FAAP100: variants seen among roughly 807,000 people sequenced by gnomAD.
The protein encoded by FAAP100 is FA core complex associated protein 100, also known as Fanconi anemia core complex-associated protein 100.
Under a neutral mutation model 65.8 loss-of-function variants are expected in FAAP100, and 46 were observed. The observed-to-expected ratio is 0.70, with a 90% CI of 0.55 to 0.89. The LOEUF (loss-of-function observed/expected upper bound fraction) is 0.89. FAAP100 is among the 40% of genes least tolerant of loss of function. The pLI is 0.00. For missense variants in FAAP100, 1,165 were observed against 1,196.7 expected, an observed-to-expected ratio of 0.97 and a Z score of 0.39; for synonymous variants, 663 against 555.1, an observed-to-expected ratio of 1.19 and a Z score of -2.73.
intron 7 of FAAP100, among the ~76,000 whole-genome samples, 159 bp downstream of exon 7, chr17:81,543,845 T>G (rs971539966): frequency 6.6e-6 from 1 of 152,168 alleles, no homozygotes; most frequent in African/African-American, 2.4e-5. Flanking sequence ...ACAGCTCCAC[T>G]GCACAACACC....
chr17:81,549,271 C>T lies in FAAP100; in HGVS notation c.1338G>A (p.Met446Ile), dbSNP rs1342924813. 3 of 1,613,114 alleles carry T rather than the reference C, an allele frequency of 1.9e-6. No homozygotes were observed. Among genetic ancestry groups the T allele is most frequent in the African/African-American group, 2.7e-5 (2 of 74,930 alleles). Residue 446 changes from methionine (M) to isoleucine (I), a missense_variant, in exon 4 of 9, where the codon ATG becomes ATA. Coordinates refer to ENST00000327787, the MANE Select transcript of FAAP100 (RefSeq NM_025161.6). ...LDSEMPGPARMTTESAGQKIK... is the reference protein window; with the variant it reads ...LDSEMPGPARITTESAGQKIK... ...TTTTCTGACCTGCACTCTCTGTGGT[C>T]ATCCTGGCTGGGCCAGGCATCTCAG... is the stretch of plus-strand genomic sequence containing the variant.
intron 4 of FAAP100, 30 bp from the exon 5 acceptor site, chr17:81,547,708 C>G (rs779766115): frequency 1.9e-6 from 3 of 1,601,820 alleles, no homozygotes; most frequent in Admixed American, 1.7e-5. Context: ...CCCCCGGGAG[C>G]GGGGGGACAC....
At position 81,540,427 on chromosome 17, in the gene FAAP100, C is replaced by T; in HGVS notation, c.*392G>A. ...ACAAACTCACCCCAAGTCCAAACCC[C>T]AGAAATCCTGTTTCTCTGGCCCTCC... On this transcript the variant is annotated 3_prime_UTR_variant, in exon 9 of 9. Transcript: ENST00000327787. 7.4e-6 allele frequency: 3 copies of T among 405,432 alleles called. No homozygotes were observed. The highest frequency in any genetic ancestry group is 1.3e-5 in the Non-Finnish European group (3 of 229,848). The allele number at this position is 405,432 out of a possible 1,614,324, so 25.1% of individuals were successfully genotyped here. A position where few individuals can be genotyped will look rare whatever the true frequency, so the allele number is the denominator to read the frequency against.
chr17:81,546,993 G>T lies in FAAP100; in HGVS notation c.2089C>A (p.Arg697=). The change falls in exon 5 of 9, where the codon CGG becomes AGG. Residue 697 remains arginine, a synonymous_variant. Coordinates refer to ENST00000327787, the MANE Select transcript of FAAP100 (RefSeq NM_025161.6). ...ACAGATGGGGGCAGGTACTCGGCCC[G>T]CAGGGAGGCGGGTCCTGCTGGCTGG... ...GSQPAGPASL[R]AEYLPPSVAS... is the part of the protein sequence containing the mutation. 1.3e-6 allele frequency: 2 copies of T among 1,515,842 alleles called. No individual in the cohort carries two copies. Among genetic ancestry groups the T allele is most frequent in the Non-Finnish European group, 1.8e-6 (2 of 1,131,738 alleles). 93.9% of individuals were successfully genotyped at this position (1,515,842 alleles called of 1,614,324 possible).
intron 4 of FAAP100, 182 bp from the exon 5 acceptor site, chr17:81,547,860 C>T (rs776042999): frequency 3.8e-5 from 31 of 811,870 alleles, no homozygotes; most frequent in Non-Finnish European, 5.6e-5. Flanking sequence ...CCACCCACAC[C>T]GAGCCTCTCT....
At position 81,545,772 on chromosome 17, in the gene FAAP100, C is replaced by T. The variant is rs755304067; in HGVS notation, c.2284G>A (p.Ala762Thr). The change falls in exon 6 of 9, where the codon GCC becomes ACC. Residue 762 changes from alanine (A) to threonine (T), a missense_variant. Ala to Thr is a moderately conservative substitution (Grantham distance 58). Coordinates refer to ENST00000327787, the MANE Select transcript of FAAP100 (RefSeq NM_025161.6). ...SSIQGVAPDGANVHLIVREVA... is the reference protein window; with the variant it reads ...SSIQGVAPDGTNVHLIVREVA... Reference sequence around the variant, plus strand: ...TCTCGGACGATGAGGTGAACGTTGGCGCCATCAGGGGCCACTCCCTGGATG... The same window carrying T: ...TCTCGGACGATGAGGTGAACGTTGGTGCCATCAGGGGCCACTCCCTGGATG... 5.6e-6 allele frequency: 9 copies of T among 1,611,800 alleles called. No individual in the cohort carries two copies. In the East Asian group the frequency reaches 8.9e-5, roughly 16 times the overall value.
intron 7 of FAAP100, among the ~76,000 whole-genome samples, chr17:81,543,450 T>C (rs774859685): frequency 2.6e-5 from 4 of 152,154 alleles, no homozygotes; most frequent in Admixed American, 1.3e-4. Flanking sequence ...AGACTTTAGC[T>C]TGGAACTTGG....
chr17:81,548,671 G>T lies in FAAP100; in HGVS notation c.1403+535C>A, dbSNP rs137925371. Among the ~76,000 whole-genome samples, 439 of 152,076 alleles carry T rather than the reference G, an allele frequency of 2.9e-3. 2 individuals are homozygous for T. The highest frequency in any genetic ancestry group is 9.9e-3 in the African/African-American group (410 of 41,472). ...GGAGAATCACTTGAACCCAGGAAGC[G>T]AAGGTTGCATTAAACCGTGATCGCA... On this transcript the variant is annotated intron_variant, in intron 4 of 8. Transcript: ENST00000327787.
In FAAP100 at chr17:81,550,423, G is replaced by A. The variant is rs772355872; in HGVS notation, c.1071C>T (p.Arg357=). ...VLCAACGGGG[R]VYHSTPSDLC... is the part of the protein sequence containing the mutation. Reference sequence around the variant, plus strand: ...GGTCAGAAGGGGTGCTGTGGTACACGCGGCCACCCCCGCCACAGGCAGCGC... The same window carrying A: ...GGTCAGAAGGGGTGCTGTGGTACACACGGCCACCCCCGCCACAGGCAGCGC... Residue 357 remains arginine (R), a synonymous_variant, in exon 3 of 9, where the codon CGC becomes CGT. Coordinates refer to ENST00000327787, the MANE Select transcript of FAAP100 (RefSeq NM_025161.6). 1.5e-5 allele frequency: 24 copies of A among 1,612,158 alleles called. No individual in the cohort carries two copies. The highest frequency in any genetic ancestry group is 1.6e-4 in the Middle Eastern group (1 of 6,082).
chr17:81,544,935 G>A (rs2033246892), intron 6 of FAAP100, among the ~76,000 whole-genome samples: 1 of 152,212 alleles, frequency 6.6e-6, no homozygotes, highest in Admixed American at 6.5e-5. Context: ...TTGAGAGGGT[G>A]AGGTGGGCGG....
At chr17:81,541,075 A>G in intron 8 of FAAP100, 125 bp from the exon 9 acceptor site, 1 of 1,289,112 alleles carries the variant, frequency 7.8e-7, no homozygotes, top group Non-Finnish European at 1.0e-6. Flanking sequence ...GAGGAAGAAC[A>G]CTCATCCGGA....
chr17:81,541,301 G>T lies in FAAP100; in HGVS notation c.2514+8C>A, dbSNP rs1419839125. The T allele has an allele frequency of 6.2e-7, 1 of 1,609,218 alleles. No individual in the cohort carries two copies. Among genetic ancestry groups the T allele is most frequent in the Admixed American group, 1.7e-5 (1 of 59,866 alleles). On this transcript the variant is annotated splice_region_variant and intron_variant, in intron 8 of 8. Coordinates refer to ENST00000327787, the MANE Select transcript of FAAP100 (RefSeq NM_025161.6). ...GGAAGGGGACTGCCCGGGGAACCGG[G>T]TGCTCACCTCGTGGTTGGCGTGGAT...
Position 81,547,294 on chromosome 17 carries a change from C to A in FAAP100, c.1788G>T (p.Val596=). Residue 596 remains valine (V), a synonymous_variant, in exon 5 of 9, where the codon GTG becomes GTT. Coordinates refer to ENST00000327787, the MANE Select transcript of FAAP100 (RefSeq NM_025161.6). The part of the protein sequence containing the change: ...PGENGGLDLP[V]TVSCTLFYSL... ...TGTAGAACAGCGTGCAGGACACGGT[C>A]ACGGGCAGGTCGAGCCCGCCGTTCT... is the stretch of plus-strand genomic sequence containing the variant. 6.2e-7 allele frequency: 1 copy of A among 1,612,068 alleles called. No individual in the cohort carries two copies. The highest frequency in any genetic ancestry group is 8.5e-7 in the Non-Finnish European group (1 of 1,179,566).
intron 5 of FAAP100, 48 bp from the exon 6 acceptor site, chr17:81,545,930 G>A (rs2033283516): frequency 6.4e-7 from 1 of 1,572,344 alleles, no homozygotes; most frequent in Non-Finnish European, 8.6e-7. Flanking sequence ...CTACCAGGTG[G>A]GCTCAGCCGA....
Position 81,540,704 on chromosome 17 carries a change from A to C in FAAP100, c.*115T>G, listed in dbSNP as rs940038576. On this transcript the variant is annotated 3_prime_UTR_variant, in exon 9 of 9. Transcript: ENST00000327787. Reference sequence around the variant, plus strand: ...TTCTGCTCCTACGTGGCCAGGTCCTACCTTCCCTGACGGCTCTGGCCAGGC... The same window carrying C: ...TTCTGCTCCTACGTGGCCAGGTCCTCCCTTCCCTGACGGCTCTGGCCAGGC... 1 of 1,330,972 alleles carries C rather than the reference A, an allele frequency of 7.5e-7. No individual in the cohort carries two copies. Among genetic ancestry groups the C allele is most frequent in the South Asian group, 1.7e-5 (1 of 60,204 alleles). 82.4% of individuals were successfully genotyped at this position (1,330,972 alleles called of 1,614,324 possible).
At chr17:81,548,221 G>A (rs2033379630) in intron 4 of FAAP100, 1 of 573,726 alleles carries the variant, frequency 1.7e-6, no homozygotes, top group South Asian at 2.3e-5. Flanking sequence ...CGCGCACTCA[G>A]TGTGTTCTCT....
rs2033459897 is a variant in FAAP100, at chr17:81,550,731, G to C, written c.763C>G (p.Leu255Val). ...GACCTGGAGGTGACCAGGGCCTTCA[G>C]GATCACACAGCAGAGCTGGCCATCA... ...LPDGQLCCVI[L>V]KALVTSRSAP... The change falls in exon 3 of 9, where the codon CTG (leucine) becomes GTG (valine). Residue 255 changes from leucine to valine, a missense_variant. By Grantham distance (32) the Leu-to-Val change is conservative. Coordinates refer to ENST00000327787, the MANE Select transcript of FAAP100 (RefSeq NM_025161.6). 3 of 1,612,582 alleles carry C rather than the reference G, an allele frequency of 1.9e-6. No homozygotes were observed. The South Asian group carries it at 3.3e-5, about 18-fold the overall frequency.
intron 4 of FAAP100, among the ~76,000 whole-genome samples, chr17:81,548,694 G>A (rs559021495): frequency 1.5e-4 from 23 of 151,452 alleles, no homozygotes; most frequent in Admixed American, 1.3e-3. Context: ...AACCGTGATC[G>A]CACCACAACA....
intron 8 of FAAP100, 30 bp downstream of exon 8, chr17:81,541,279 A>G: frequency 6.3e-7 from 1 of 1,586,716 alleles, no homozygotes; most frequent in Non-Finnish European, 8.6e-7. Flanking sequence ...ACCCAGGGGA[A>G]GGGGACTGCC....
Sources: gnomAD v4.1 joint callset for allele counts (sites outside exome capture counted in the v4.1 genomes callset) on GRCh38, gnomAD v4.1.1 for gene constraint, MANE v1.5 for transcripts, NCBI Gene and HGNC (gene_info 2026-07-23, HGNC 2026-07-21) for gene names.